CDK14: variants seen among roughly 807,000 people sequenced by gnomAD.
CDK14 encodes cyclin-dependent kinase 14.
Under a neutral mutation model 60.7 loss-of-function variants are expected in CDK14, and 34 were observed. The ratio of observed to expected loss-of-function variants is 0.56; its 90% CI spans 0.43 to 0.75. The LOEUF (loss-of-function observed/expected upper bound fraction) is 0.75. Ranked by LOEUF, CDK14 falls within the 30% of genes least tolerant of loss-of-function variation. The pLI is 0.00. For missense variants in CDK14, 482 were observed against 564.1 expected (o/e 0.85, Z 1.47); for synonymous variants, 197 against 203.7 (o/e 0.97, Z 0.28).
intron 7 of CDK14, among the ~76,000 whole-genome samples, chr7:90,912,139 T>C (rs1393231538): frequency 6.6e-6 from 1 of 152,214 alleles, no homozygotes; most frequent in Non-Finnish European, 1.5e-5. Context: ...TTTATAAAGA[T>C]GGAATAGAAT....
At chr7:90,644,693 G>A (rs926851742) in intron 2 of CDK14, among the ~76,000 whole-genome samples, 1 of 152,180 alleles carries the variant, frequency 6.6e-6, no homozygotes, top group African/African-American at 2.4e-5. Context: ...ACTTCTAGGG[G>A]CACCTCTGGT....
intron 5 of CDK14, among the ~76,000 whole-genome samples, chr7:90,825,051 T>G (rs1021386234): frequency 6.6e-6 from 1 of 152,236 alleles, no homozygotes; most frequent in African/African-American, 2.4e-5. Context: ...CAGCCTACAC[T>G]GTTGAAATTT....
chr7:90,809,517 C>T (rs1392745281), intron 5 of CDK14, among the ~76,000 whole-genome samples: 1 of 151,952 alleles, frequency 6.6e-6, no homozygotes, highest in Non-Finnish European at 1.5e-5. Flanking sequence ...CAAGAGAAAG[C>T]AGGAAAGATC....
intron 5 of CDK14, among the ~76,000 whole-genome samples, chr7:90,841,659 TACACACACACAC>T (rs57434660): frequency 7.2e-6 from 1 of 139,296 alleles, no homozygotes; most frequent in Non-Finnish European, 1.5e-5. Context: ...TATATATATG[TACACACACACAC>T]ACACACACAC....
chr7:90,668,255 C>G (rs547957090), intron 2 of CDK14, among the ~76,000 whole-genome samples: 121 of 152,216 alleles, frequency 7.9e-4, no homozygotes, highest in African/African-American at 2.8e-3. Flanking sequence ...TTTGTGTTTC[C>G]CTACTGACTA....
At chr7:90,765,374 C>A (rs750695118) in intron 4 of CDK14, among the ~76,000 whole-genome samples, 4 of 152,098 alleles carry the variant, frequency 2.6e-5, no homozygotes, top group Non-Finnish European at 5.9e-5. Context: ...GAATGTGTAT[C>A]ATCTCAGTGA....
At chr7:90,776,737 AGACTT>A (rs1275385534) in intron 4 of CDK14, among the ~76,000 whole-genome samples, 6 of 152,218 alleles carry the variant, frequency 3.9e-5, no homozygotes, top group Admixed American at 1.3e-4. Flanking sequence ...TTCTGATTGA[AGACTT>A]GAGATGACTG....
intron 6 of CDK14, among the ~76,000 whole-genome samples, chr7:90,895,344 T>TCCTCTCCTCACCTCTCCTCC (rs1562817472): frequency 1.1e-5 from 1 of 89,874 alleles, no homozygotes; most frequent in Non-Finnish European, 2.3e-5. Context: ...TCCTCTCCTC[T>TCCTCTCCTCACCTCTCCTCC]CCTCTCCTCT....
rs575185661 is a variant in CDK14, at chr7:91,052,426, CT to C, written c.1105+6467del. Among the ~76,000 whole-genome samples the C allele has an allele frequency of 2.5e-4, 38 of 152,270 alleles. 1 individual carries two copies. The South Asian group carries it at 7.9e-3, about 32-fold the overall frequency. On this transcript the variant is annotated intron_variant, in intron 11 of 14. Coordinates refer to ENST00000380050, the MANE Select transcript of CDK14 (RefSeq NM_001287135.2). ...AAAGAACAGTTTACTGACAATTAGA[CT>C]ATTTTAAAAAGCAGAGAAGTAGGGA...
intron 14 of CDK14, among the ~76,000 whole-genome samples, chr7:91,190,058 G>A (rs1249869694): frequency 6.6e-6 from 1 of 152,226 alleles, no homozygotes; most frequent in Non-Finnish European, 1.5e-5. Context: ...AAGGACTTAT[G>A]ATCCAAAATA....
In CDK14 at chr7:91,034,997, A is replaced by G. The variant is rs142809292; in HGVS notation, c.1042-10900A>G. 6.5e-3 allele frequency among the ~76,000 whole-genome samples: 988 copies of G among 151,462 alleles called. 17 individuals are homozygous for G. The highest frequency in any genetic ancestry group is 0.023 in the African/African-American group (953 of 41,318). On this transcript the variant is annotated intron_variant, in intron 10 of 14. Transcript: ENST00000380050. Reference sequence around the variant, plus strand: ...ACACACATTGATAGCTTATCTGGCTACCAGAAAAATATTCTGTTAGCCATG... The same window carrying G: ...ACACACATTGATAGCTTATCTGGCTGCCAGAAAAATATTCTGTTAGCCATG...
At chr7:90,710,722 G>A (rs34940195) in intron 2 of CDK14, among the ~76,000 whole-genome samples, 23,463 of 152,014 alleles carry the variant, frequency 0.15, 1,922 homozygotes, top group South Asian at 0.18. Context: ...ATGAAGGACC[G>A]TGGTAGCAGA....
At chr7:91,077,857 A>AC (rs1798370027) in intron 11 of CDK14, among the ~76,000 whole-genome samples, 1 of 152,110 alleles carries the variant, frequency 6.6e-6, no homozygotes, top group African/African-American at 2.4e-5. Context: ...TTGATAAAAA[A>AC]CCAAGAATCC....
At chr7:90,895,325 C>G (rs12704580) in intron 6 of CDK14, among the ~76,000 whole-genome samples, 1 of 40,944 alleles carries the variant, frequency 2.4e-5, no homozygotes, top group African/African-American at 9.4e-5. Context: ...TCTTTCCTCT[C>G]CTTTCCTCTC....
chr7:90,863,496 A>G (rs948860099), intron 6 of CDK14, among the ~76,000 whole-genome samples: 1 of 152,178 alleles, frequency 6.6e-6, no homozygotes, highest in African/African-American at 2.4e-5. Flanking sequence ...TTTATCAGAT[A>G]TGTTATCTAT....
At chr7:91,026,308 A>T (rs1490321387) in intron 10 of CDK14, among the ~76,000 whole-genome samples, 4 of 152,234 alleles carry the variant, frequency 2.6e-5, no homozygotes, top group Middle Eastern at 3.2e-3. Context: ...TAAGGAGGCC[A>T]TGCCGTGTCT....
chr7:90,817,916 C>T (rs1789408789), intron 5 of CDK14, among the ~76,000 whole-genome samples: 1 of 152,156 alleles, frequency 6.6e-6, no homozygotes, highest in African/African-American at 2.4e-5. Context: ...GGGAACCAAT[C>T]TCCCACCATC....
At chr7:91,141,625 A>G (rs1181886545) in intron 14 of CDK14, among the ~76,000 whole-genome samples, 2 of 152,096 alleles carry the variant, frequency 1.3e-5, no homozygotes, top group African/African-American at 2.4e-5. Flanking sequence ...AAAGAGAGAA[A>G]TAAGTTACAG....
chr7:90,931,916 C>G (rs970929999), intron 8 of CDK14, among the ~76,000 whole-genome samples: 6 of 152,038 alleles, frequency 3.9e-5, no homozygotes, highest in African/African-American at 1.4e-4. Context: ...TCTGTTGATT[C>G]AAACACATGA....
Sources: gnomAD v4.1 joint callset for allele counts (sites outside exome capture counted in the v4.1 genomes callset) on GRCh38, gnomAD v4.1.1 for gene constraint, MANE v1.5 for transcripts, NCBI Gene and HGNC (gene_info 2026-07-23, HGNC 2026-07-21) for gene names.